The following GRIP1 variants were observed in gnomAD, a reference collection of about 807,000 sequenced individuals.
GRIP1 encodes glutamate receptor-interacting protein 1.
GRIP1 carries 45 observed loss-of-function variants against 129.9 expected under a neutral mutation model. That is an observed-to-expected ratio of 0.35 (90% CI 0.27 to 0.44). GRIP1 has a LOEUF of 0.44. GRIP1 is among the 20% of genes least tolerant of loss of function. The pLI is 1.00. For missense variants in GRIP1, 1,196 were observed against 1,396.8 expected, an observed-to-expected ratio of 0.86 and a Z score of 2.29; for synonymous variants, 530 against 520.8, an observed-to-expected ratio of 1.02 and a Z score of -0.24.
intron 1 of GRIP1, among the ~76,000 whole-genome samples, chr12:66,885,478 T>G (rs942321770): frequency 6.6e-6 from 1 of 152,078 alleles, no homozygotes; most frequent in African/African-American, 2.4e-5. Flanking sequence ...CAGGAGTAGA[T>G]GGAGGGCGTA....
chr12:66,366,493 A>G (rs1207291434), intron 23 of GRIP1, among the ~76,000 whole-genome samples: 1 of 152,198 alleles, frequency 6.6e-6, no homozygotes, highest in African/African-American at 2.4e-5. Flanking sequence ...AAAAATAAAG[A>G]GGTTACTTGT....
At chr12:66,972,067 T>C (rs1258753897) in intron 1 of GRIP1, among the ~76,000 whole-genome samples, 1 of 152,170 alleles carries the variant, frequency 6.6e-6, no homozygotes, top group African/African-American at 2.4e-5. Flanking sequence ...AGTACTAAGC[T>C]AGGATTCATG....
chr12:67,034,042 AC>A (rs1371146681), intron 1 of GRIP1, among the ~76,000 whole-genome samples: 9 of 152,112 alleles, frequency 5.9e-5, no homozygotes. Context: ...TGATTGTAAG[AC>A]CCCTCTCAGT....
intron 1 of GRIP1, among the ~76,000 whole-genome samples, chr12:66,875,537 T>C (rs1469406533): frequency 6.6e-6 from 1 of 152,092 alleles, no homozygotes; most frequent in African/African-American, 2.4e-5. Flanking sequence ...AAGCCTGGTA[T>C]CACTGCTACT....
At chr12:66,705,334 A>G (rs1350176870) in intron 1 of GRIP1, among the ~76,000 whole-genome samples, 1 of 152,124 alleles carries the variant, frequency 6.6e-6, no homozygotes, top group Non-Finnish European at 1.5e-5. Flanking sequence ...AATACCTAGG[A>G]ATACATCTAA....
At chr12:66,700,357 G>A (rs1441312975) in intron 1 of GRIP1, among the ~76,000 whole-genome samples, 1 of 152,034 alleles carries the variant, frequency 6.6e-6, no homozygotes, top group African/African-American at 2.4e-5. Flanking sequence ...AAAGGGATGG[G>A]CTGCGGAGCA....
intron 1 of GRIP1, among the ~76,000 whole-genome samples, chr12:66,614,569 C>T (rs909271532): frequency 6.6e-6 from 1 of 152,058 alleles, no homozygotes; most frequent in South Asian, 2.1e-4. Flanking sequence ...CTGCACCATT[C>T]GAGACAACCC....
At chr12:67,012,810 T>G (rs528952710) in intron 1 of GRIP1, among the ~76,000 whole-genome samples, 76 of 152,274 alleles carry the variant, frequency 5.0e-4, no homozygotes, top group South Asian at 8.3e-4. Flanking sequence ...TGCCCCTATA[T>G]GTTTAGGACT....
intron 1 of GRIP1, among the ~76,000 whole-genome samples, chr12:66,997,887 G>T (rs1446750970): frequency 6.6e-6 from 1 of 151,952 alleles, no homozygotes; most frequent in African/African-American, 2.4e-5. Context: ...GCTTTCAAAA[G>T]ATATACTAAA....
chr12:66,951,516 G>A (rs149716444), intron 1 of GRIP1, among the ~76,000 whole-genome samples: 10 of 152,278 alleles, frequency 6.6e-5, no homozygotes, highest in South Asian at 6.2e-4. Flanking sequence ...GAGCCAGACC[G>A]TACAGGAACG....
intron 1 of GRIP1, among the ~76,000 whole-genome samples, chr12:67,009,233 T>C (rs2042670587): frequency 6.6e-6 from 1 of 152,166 alleles, no homozygotes; most frequent in Admixed American, 6.6e-5. Flanking sequence ...ATGTATTTGA[T>C]ATTGTATATG....
rs368792306 is a variant in GRIP1, at chr12:66,663,467, GTTCAAATCA to G, written c.55+15374_55+15382del. Among the ~76,000 whole-genome samples the G allele has an allele frequency of 4.9e-3, 743 of 152,268 alleles. 5 individuals carry two copies. The highest frequency in any genetic ancestry group is 0.017 in the African/African-American group (716 of 41,546). On this transcript the variant is annotated intron_variant, in intron 1 of 24. Coordinates refer to ENST00000359742, the MANE Select transcript of GRIP1 (RefSeq NM_001366722.1). The stretch of plus-strand genomic sequence containing the variant: ...AATAGCTGCCTTTTAAATGTTATGA[GTTCAAATCA>G]TCTCTTTTTGCTTCATGGCACAGAG...
intron 14 of GRIP1, 48 bp from the exon 15 acceptor site, chr12:66,420,837 C>A (rs2057780590): frequency 1.0e-6 from 1 of 998,696 alleles, no homozygotes; most frequent in Non-Finnish European, 1.6e-6. Context: ...CCATTATTCA[C>A]CCCTTACTGT....
At chr12:66,477,544 G>C (rs1226866549) in intron 7 of GRIP1, among the ~76,000 whole-genome samples, 1 of 151,756 alleles carries the variant, frequency 6.6e-6, no homozygotes, top group Non-Finnish European at 1.5e-5. Context: ...AGTTCATATG[G>C]AACCAAAAAA....
chr12:66,443,871 A>G (rs1423717038), intron 13 of GRIP1, among the ~76,000 whole-genome samples: 2 of 152,324 alleles, frequency 1.3e-5, no homozygotes, highest in South Asian at 2.1e-4. Flanking sequence ...ATATTTGCCA[A>G]CTGGGCTTGT....
upstream of GRIP1, among the ~76,000 whole-genome samples, chr12:66,809,116 T>C (rs535069102): frequency 3.9e-5 from 6 of 152,352 alleles, no homozygotes; most frequent in Non-Finnish European, 7.3e-5. Flanking sequence ...TTAACAAATA[T>C]GTATTTTTCA....
intron 1 of GRIP1, among the ~76,000 whole-genome samples, chr12:66,888,929 T>C (rs577462283): frequency 2.0e-5 from 3 of 152,330 alleles, no homozygotes; most frequent in Admixed American, 6.5e-5. Flanking sequence ...GAAGACTACA[T>C]TTAAATAAAC....
At chr12:66,917,348 CAA>C (rs558864164) in intron 1 of GRIP1, among the ~76,000 whole-genome samples, 3 of 152,158 alleles carry the variant, frequency 2.0e-5, no homozygotes, top group Non-Finnish European at 4.4e-5. Context: ...TACATAGCAA[CAA>C]AGAGTTGTTC....
At chr12:66,549,247 T>G (rs7305832) in intron 2 of GRIP1, among the ~76,000 whole-genome samples, 3 of 151,768 alleles carry the variant, frequency 2.0e-5, no homozygotes, top group Non-Finnish European at 4.4e-5. Flanking sequence ...AATGGGGTGG[T>G]GAGCATCAGC....
Sources: allele counts gnomAD v4.1 joint callset (sites outside exome capture counted in the v4.1 genomes callset), GRCh38; gene constraint gnomAD v4.1.1; transcripts MANE v1.5; gene names NCBI Gene and HGNC (gene_info 2026-07-23, HGNC 2026-07-21).